DGKB: variants seen among roughly 807,000 people sequenced by gnomAD.
The protein encoded by DGKB is diacylglycerol kinase beta, also known as 90 kDa diacylglycerol kinase.
DGKB carries 67 observed loss-of-function variants against 114.3 expected under a neutral mutation model. The observed-to-expected ratio is 0.59, with a 90% CI of 0.48 to 0.72. The LOEUF is 0.72. DGKB is among the 30% of genes least tolerant of loss of function. DGKB has a pLI of 0.00. For synonymous variants in DGKB, 398 were observed against 323.1 expected (o/e 1.23, Z -2.49); for missense variants, 907 against 975.2 (o/e 0.93, Z 0.93).
At chr7:14,681,167 T>C (rs1023316118) in intron 12 of DGKB, among the ~76,000 whole-genome samples, 1 of 152,062 alleles carries the variant, frequency 6.6e-6, no homozygotes, top group Non-Finnish European at 1.5e-5. Flanking sequence ...ATGAAGTAGT[T>C]ATGATCTTCT....
chr7:14,330,623 C>T (rs1427383926), intron 23 of DGKB, among the ~76,000 whole-genome samples: 1 of 151,864 alleles, frequency 6.6e-6, no homozygotes, highest in African/African-American at 2.4e-5. Flanking sequence ...TTAAATTTTA[C>T]TGTTGAACAA....
intron 2 of DGKB, among the ~76,000 whole-genome samples, chr7:14,771,417 G>C (rs945156464): frequency 1.3e-5 from 2 of 152,034 alleles, no homozygotes; most frequent in Non-Finnish European, 2.9e-5. Context: ...CCTCACTTTA[G>C]TCTGGGAACA....
chr7:14,804,529 G>A (rs1842569409), intron 2 of DGKB, among the ~76,000 whole-genome samples: 1 of 151,832 alleles, frequency 6.6e-6, no homozygotes. Flanking sequence ...TCAGCACTAG[G>A]TGTTCAGTTT....
intron 17 of DGKB, among the ~76,000 whole-genome samples, chr7:14,598,198 A>G (rs1802924026): frequency 6.6e-6 from 1 of 152,218 alleles, no homozygotes; most frequent in Non-Finnish European, 1.5e-5. Context: ...TCTTTGCAAC[A>G]AACAGATGTT....
At position 14,436,791 on chromosome 7, in the gene DGKB, T is replaced by G. The variant is rs1197194122; in HGVS notation, c.1835+41370A>C. 4.6e-5 allele frequency among the ~76,000 whole-genome samples: 7 copies of G among 152,244 alleles called. No individual in the cohort carries two copies. In the East Asian group the frequency reaches 1.2e-3, roughly 25 times the overall value. ...AGCCTTAGCTCAAATTTTAAGAGTT[T>G]GACCTTTGTTTTAATTAATGAAGTG... On this transcript the variant is annotated intron_variant, in intron 21 of 25. Coordinates refer to ENST00000402815, the MANE Select transcript of DGKB (RefSeq NM_001350709.2).
chr7:14,593,290 A>G (rs578038523), intron 17 of DGKB, among the ~76,000 whole-genome samples: 1 of 152,180 alleles, frequency 6.6e-6, no homozygotes, highest in South Asian at 2.1e-4. Flanking sequence ...GAGAATATTT[A>G]TTCCTGGGGA....
intron 23 of DGKB, among the ~76,000 whole-genome samples, chr7:14,299,260 AT>A (rs1803095756): frequency 6.6e-6 from 1 of 152,156 alleles, no homozygotes; most frequent in African/African-American, 2.4e-5. Flanking sequence ...TTTCATAATC[AT>A]TTCAGGTTGT....
intron 8 of DGKB, among the ~76,000 whole-genome samples, chr7:14,697,245 A>T (rs1314775178): frequency 6.6e-6 from 1 of 152,212 alleles, no homozygotes; most frequent in Non-Finnish European, 1.5e-5. Context: ...AAAATTCCTG[A>T]CTAGCTGAAG....
At chr7:14,225,082 C>T (rs375063850) in intron 23 of DGKB, among the ~76,000 whole-genome samples, 1 of 152,034 alleles carries the variant, frequency 6.6e-6, no homozygotes, top group Admixed American at 6.6e-5. Flanking sequence ...CAATCTCCCC[C>T]CAATTGCCTT....
intron 23 of DGKB, among the ~76,000 whole-genome samples, chr7:14,315,558 G>T (rs1196407806): frequency 6.6e-6 from 1 of 150,800 alleles, no homozygotes; most frequent in Non-Finnish European, 1.5e-5. Flanking sequence ...AATGGTAAAG[G>T]GATCAATTCA....
At position 14,617,760 on chromosome 7, in the gene DGKB, G is replaced by T. The variant is rs371908676; in HGVS notation, c.1284+3618C>A. On this transcript the variant is annotated intron_variant, in intron 15 of 25. Transcript: ENST00000402815. ...CCAACTACAGTTCTTACTGACCCTAGGCATATACTTACCTTAGGGTTGTCC... is the reference window on the plus strand; with the variant it reads ...CCAACTACAGTTCTTACTGACCCTATGCATATACTTACCTTAGGGTTGTCC... Among the ~76,000 whole-genome samples, 9 of 151,474 alleles carry T rather than the reference G, an allele frequency of 5.9e-5. No homozygotes were observed. In the East Asian group the frequency reaches 9.7e-4, roughly 16 times the overall value.
chr7:14,783,474 C>T (rs965608207), intron 2 of DGKB, among the ~76,000 whole-genome samples: 4 of 152,182 alleles, frequency 2.6e-5, no homozygotes, highest in Non-Finnish European at 5.9e-5. Context: ...CTGCAACTTG[C>T]CCTTATACCT....
intron 25 of DGKB, among the ~76,000 whole-genome samples, chr7:14,170,146 AAAGAAAG>A (rs1192485365): frequency 0.086 from 2,220 of 25,892 alleles, 105 homozygotes; most frequent in African/African-American, 0.2. Flanking sequence ...AAAAAAAAAA[AAAGAAAG>A]AAAGAAAGAA....
At chr7:14,620,531 C>A (rs1197124589) in intron 15 of DGKB, among the ~76,000 whole-genome samples, 1 of 151,614 alleles carries the variant, frequency 6.6e-6, no homozygotes, top group Non-Finnish European at 1.5e-5. Context: ...AAGTGTGTGA[C>A]ATACTGTTTG....
At chr7:14,473,211 T>G (rs940531882) in intron 21 of DGKB, among the ~76,000 whole-genome samples, 5 of 152,154 alleles carry the variant, frequency 3.3e-5, no homozygotes, top group Non-Finnish European at 7.3e-5. Context: ...GTGCCCATGC[T>G]GCGTGAAGCC....
chr7:14,743,783 A>T (rs544147425), intron 4 of DGKB, among the ~76,000 whole-genome samples: 116 of 152,162 alleles, frequency 7.6e-4, no homozygotes, highest in Non-Finnish European at 1.2e-3. Context: ...TGTCAATCAC[A>T]TTTCTGACTG....
intron 21 of DGKB, among the ~76,000 whole-genome samples, chr7:14,466,598 C>T (rs1780502748): frequency 6.6e-6 from 1 of 150,554 alleles, no homozygotes; most frequent in African/African-American, 2.4e-5. Context: ...ACTGTATCCT[C>T]AGTGTTCCAT....
At chr7:14,794,158 T>C (rs1841075953) in intron 2 of DGKB, among the ~76,000 whole-genome samples, 1 of 152,160 alleles carries the variant, frequency 6.6e-6, no homozygotes, top group South Asian at 2.1e-4. Flanking sequence ...TCTGTTTCTC[T>C]GAAGAACCCT....
chr7:14,741,834 A>G lies in DGKB; in HGVS notation c.169-5640T>C, dbSNP rs77580547. On this transcript the variant is annotated intron_variant, in intron 4 of 25. Coordinates refer to ENST00000402815, the MANE Select transcript of DGKB (RefSeq NM_001350709.2). ...AAATATGAGTCATCTGGCATGGCTA[A>G]AGTTGGGTAGCTAGGGATTTAAAAG... Among the ~76,000 whole-genome samples, 259 of 152,308 alleles carry G rather than the reference A, an allele frequency of 1.7e-3. 2 individuals are homozygous for G. The highest frequency in any genetic ancestry group is 6.0e-3 in the East Asian group (31 of 5,178).
Sources: gnomAD v4.1 joint callset for allele counts (sites outside exome capture counted in the v4.1 genomes callset) on GRCh38, gnomAD v4.1.1 for gene constraint, MANE v1.5 for transcripts, NCBI Gene and HGNC (gene_info 2026-07-23, HGNC 2026-07-21) for gene names.